DMTF1: variants seen among roughly 807,000 people sequenced by gnomAD.
DMTF1 encodes cyclin D binding myb like transcription factor 1, also known as cyclin-D-binding Myb-like transcription factor 1.
In DMTF1, 39 loss-of-function variants were observed where a neutral mutation model predicts 91.1. That is an observed-to-expected ratio of 0.43 (90% CI 0.33 to 0.56). DMTF1 has a LOEUF of 0.56. DMTF1 is among the 20% of genes least tolerant of loss of function. The pLI, the probability that DMTF1 is intolerant of heterozygous loss-of-function variation, is 0.05. For synonymous variants in DMTF1, 338 were observed against 309.5 expected, an observed-to-expected ratio of 1.09 and a Z score of -0.97; for missense variants, 750 against 914.5, an observed-to-expected ratio of 0.82 and a Z score of 2.32.
At chr7:87,165,853 T>G (rs539303690) in intron 3 of DMTF1, among the ~76,000 whole-genome samples, 1 of 152,366 alleles carries the variant, frequency 6.6e-6, no homozygotes, top group African/African-American at 2.4e-5. Flanking sequence ...CTTGATAGTA[T>G]TATGTTTTTT....
At chr7:87,161,840 C>T (rs1792507395) in intron 1 of DMTF1, among the ~76,000 whole-genome samples, 1 of 152,012 alleles carries the variant, frequency 6.6e-6, no homozygotes, top group Non-Finnish European at 1.5e-5. Flanking sequence ...GCAAGATTAC[C>T]AAGAGTACAG....
chr7:87,190,996 G>A lies in DMTF1; in HGVS notation c.1463G>A (p.Ser488Asn). 1.9e-6 allele frequency: 3 copies of A among 1,609,558 alleles called. No homozygotes were observed. The highest frequency in any genetic ancestry group is 2.5e-6 in the Non-Finnish European group (3 of 1,177,200). ...TVDSETITLN[S>N]GTLQTFEILP... ...GACTCAGAAACAATAACACTAAACA[G>A]TGGAACACTACAGACATTTGAGATT... The change falls in exon 14 of 18, where the codon AGT (serine) becomes AAT (asparagine). Residue 488 changes from serine to asparagine, a missense_variant. By Grantham distance (46) the Ser-to-Asn change is conservative. Coordinates refer to ENST00000331242, the MANE Select transcript of DMTF1 (RefSeq NM_001142327.2).
At chr7:87,183,032 C>T (rs1185245762) in intron 10 of DMTF1, among the ~76,000 whole-genome samples, 3 of 152,096 alleles carry the variant, frequency 2.0e-5, no homozygotes. Flanking sequence ...CTCATAGTGC[C>T]CTTTTAGCCA....
chr7:87,177,286 A>G (rs1475545794), intron 7 of DMTF1, among the ~76,000 whole-genome samples: 1 of 152,058 alleles, frequency 6.6e-6, no homozygotes, highest in Non-Finnish European at 1.5e-5. Flanking sequence ...GTTAATGGTC[A>G]TTTGGGTTCT....
At chr7:87,177,496 T>C (rs995668410) in intron 7 of DMTF1, among the ~76,000 whole-genome samples, 1 of 152,174 alleles carries the variant, frequency 6.6e-6, no homozygotes, top group African/African-American at 2.4e-5. Flanking sequence ...TGGGTACTAA[T>C]GGTTTATTGG....
rs892720764 is a variant in DMTF1, at chr7:87,183,908, A to G, written c.821-489A>G. Reference sequence around the variant, plus strand: ...TGAGGAAACAAGATGGTAGAAACCTAGTTTTTACTAAAATAGGTTGAGCCC... The same window carrying G: ...TGAGGAAACAAGATGGTAGAAACCTGGTTTTTACTAAAATAGGTTGAGCCC... On this transcript the variant is annotated intron_variant, in intron 10 of 17. Coordinates refer to ENST00000331242, the MANE Select transcript of DMTF1 (RefSeq NM_001142327.2). Among the ~76,000 whole-genome samples the G allele has an allele frequency of 2.6e-5, 4 of 152,310 alleles. No individual in the cohort carries two copies. The East Asian group carries it at 5.8e-4, about 22-fold the overall frequency.
At chr7:87,194,641 T>C in intron 16 of DMTF1, 43 bp from the exon 17 acceptor site, 2 of 1,444,134 alleles carry the variant, frequency 1.4e-6, no homozygotes, top group South Asian at 1.2e-5. Context: ...TAAGGAAGAC[T>C]AGTAAGAATA....
chr7:87,164,572 G>T (rs1793356972), intron 2 of DMTF1, among the ~76,000 whole-genome samples: 1 of 148,926 alleles, frequency 6.7e-6, no homozygotes, highest in South Asian at 2.1e-4. Context: ...TAAAGAAAAA[G>T]AAGTTAAGTA....
intron 12 of DMTF1, chr7:87,187,745 A>G: frequency 4.0e-6 from 1 of 251,334 alleles, no homozygotes; most frequent in South Asian, 5.6e-5. Context: ...AATGAAAATA[A>G]GCTGTTTAGC....
chr7:87,168,165 T>C lies in DMTF1; in HGVS notation c.232+1560T>C, dbSNP rs73206944. On this transcript the variant is annotated intron_variant, in intron 4 of 17. Transcript: ENST00000331242. ...TGATAAAGTTTATCTGTCTAGATTG[T>C]AAAAATCCTCACAGCATCAGCCTAA... 6.6e-3 allele frequency among the ~76,000 whole-genome samples: 1,007 copies of C among 152,320 alleles called. 6 individuals are homozygous for C. Among genetic ancestry groups the C allele is most frequent in the Non-Finnish European group, 0.01 (711 of 68,028 alleles).
rs144383678 is a variant in DMTF1 at position 87,193,844 on chromosome 7, A to C, written c.1770A>C (p.Thr590=). ...ITSSISQAEL[T]VDSDIQSSDF... ...CTTCCATATCCCAAGCAGAACTGAC[A>C]GTCGATAGTGATATTCAGTCATCTG... Residue 590 remains threonine, a synonymous_variant, in exon 16 of 18, where the codon ACA becomes ACC. Coordinates refer to ENST00000331242, the MANE Select transcript of DMTF1 (RefSeq NM_001142327.2). 1,765 of 1,613,400 alleles carry C rather than the reference A, an allele frequency of 1.1e-3. 15 individuals carry two copies. The African/African-American group carries it at 0.021, about 20-fold the overall frequency.
At position 87,170,535 on chromosome 7, in the gene DMTF1, C is replaced by G. The variant is rs149232979; in HGVS notation, c.233-460C>G. Among the ~76,000 whole-genome samples, 793 of 152,266 alleles carry G rather than the reference C, an allele frequency of 5.2e-3. 8 individuals are homozygous for G. Among genetic ancestry groups the G allele is most frequent in the African/African-American group, 0.018 (758 of 41,554 alleles). On this transcript the variant is annotated intron_variant, in intron 4 of 17. Transcript: ENST00000331242. ...TGTCTCAGAGCCTTTGCACTTGGCT[C>G]TCCTTGAAATGCTCTTCCTTGAGAT...
intron 11 of DMTF1, chr7:87,184,902 A>G: frequency 3.7e-6 from 2 of 537,068 alleles, no homozygotes; most frequent in Non-Finnish European, 7.2e-6. Flanking sequence ...GGTATGGCAC[A>G]GGCAGCGGCA....
intron 15 of DMTF1, 56 bp from the exon 16 acceptor site, chr7:87,193,669 A>T: frequency 7.0e-7 from 1 of 1,435,514 alleles, no homozygotes; most frequent in African/African-American, 1.4e-5. Context: ...ACAGTGAGGT[A>T]CCCCCATAAA....
intron 4 of DMTF1, among the ~76,000 whole-genome samples, chr7:87,170,774 T>G (rs948767356): frequency 6.6e-6 from 1 of 152,204 alleles, no homozygotes. Context: ...GATTTTTGTT[T>G]CCCTTGCTCA....
chr7:87,173,422 T>C, intron 5 of DMTF1, 113 bp from the exon 6 acceptor site: 1 of 530,346 alleles, frequency 1.9e-6, no homozygotes, highest in Non-Finnish European at 3.3e-6. Flanking sequence ...TATGACTATA[T>C]TTAAGTTTTA....
At chr7:87,176,881 TG>T (rs1437501397) in intron 7 of DMTF1, among the ~76,000 whole-genome samples, 2 of 152,160 alleles carry the variant, frequency 1.3e-5, no homozygotes, top group South Asian at 4.1e-4. Context: ...GTTTCATATT[TG>T]GGTTAAAGGA....
At chr7:87,166,685 C>A in intron 4 of DMTF1, 80 bp downstream of exon 4, 1 of 1,405,894 alleles carries the variant, frequency 7.1e-7, no homozygotes, top group Non-Finnish European at 1.0e-6. Context: ...GTTGGCATTT[C>A]TAATAGACTT....
rs569825064 is a variant in DMTF1 at position 87,173,068 on chromosome 7, G to A, written c.328-467G>A. Among the ~76,000 whole-genome samples, 46 of 152,260 alleles carry A rather than the reference G, an allele frequency of 3.0e-4. No individual in the cohort carries two copies. In the Middle Eastern group the frequency reaches 0.017, roughly 56 times the overall value. ...AGAGATGACATTATTGATGATTTAG[G>A]CAGCAAGCTTATCTCTGAGGGCATT... is the stretch of plus-strand genomic sequence containing the variant. On this transcript the variant is annotated intron_variant, in intron 5 of 17. Transcript: ENST00000331242.
Sources: allele counts gnomAD v4.1 joint callset (sites outside exome capture counted in the v4.1 genomes callset), GRCh38; gene constraint gnomAD v4.1.1; transcripts MANE v1.5; gene names NCBI Gene and HGNC (gene_info 2026-07-23, HGNC 2026-07-21).